The following NOTCH2 variants were observed in gnomAD, a reference collection of about 807,000 sequenced individuals.
NOTCH2 encodes notch receptor 2.
NOTCH2 carries 29 observed loss-of-function variants against 235.8 expected under a neutral mutation model. The ratio of observed to expected loss-of-function variants is 0.12; its 90% CI spans 0.09 to 0.17. NOTCH2 has a LOEUF of 0.17. Ranked by LOEUF, NOTCH2 falls within the 10% of genes least tolerant of loss-of-function variation. NOTCH2 has a pLI of 1.00. For synonymous variants in NOTCH2, 1,086 were observed against 1,141.5 expected, an observed-to-expected ratio of 0.95 and a Z score of 0.98; for missense variants, 2,285 against 3,150.2, an observed-to-expected ratio of 0.73 and a Z score of 6.57.
chr1:119,930,638 G>A (rs782454005), intron 22 of NOTCH2, among the ~76,000 whole-genome samples: 13 of 151,708 alleles, frequency 8.6e-5, no homozygotes, highest in Admixed American at 6.6e-4. Flanking sequence ...AATTAGCTGC[G>A]TGTGGTGGTA....
chr1:120,009,243 A>G (rs1392024371), intron 2 of NOTCH2, among the ~76,000 whole-genome samples: 1 of 151,180 alleles, frequency 6.6e-6, no homozygotes, highest in Non-Finnish European at 1.5e-5. Context: ...CACTGTAAAG[A>G]AAGACTTAGG....
At chr1:119,973,583 T>C (rs1367621715) in intron 5 of NOTCH2, among the ~76,000 whole-genome samples, 1 of 152,168 alleles carries the variant, frequency 6.6e-6, no homozygotes, top group African/African-American at 2.4e-5. Context: ...GCCCTGGATG[T>C]GATCAACACA....
Position 120,029,247 on chromosome 1 carries a change from G to A in NOTCH2, c.155+659C>T, listed in dbSNP as rs587699357. On this transcript the variant is annotated intron_variant, in intron 2 of 33. Coordinates refer to ENST00000256646, the MANE Select transcript of NOTCH2 (RefSeq NM_024408.4). The stretch of plus-strand genomic sequence containing the variant: ...GAATATTAAAGTTGATATCTATTTG[G>A]TTTTACTTAAAAACAAGATAATAGG... Among the ~76,000 whole-genome samples the A allele has an allele frequency of 5.7e-3, 863 of 150,464 alleles. 4 individuals carry two copies. The highest frequency in any genetic ancestry group is 0.02 in the African/African-American group (838 of 41,130).
At position 119,922,421 on chromosome 1, in the gene NOTCH2, A is replaced by G. The variant is rs2101154884; in HGVS notation, c.5028T>C (p.Thr1676=). 6.2e-7 allele frequency: 1 copy of G among 1,613,506 alleles called. No homozygotes were observed. Among genetic ancestry groups the G allele is most frequent in the Non-Finnish European group, 8.5e-7 (1 of 1,179,708 alleles). The part of the protein sequence containing the change: ...VVSESLTPER[T]QLLYLLAVAV... ...CAACAGCAAGGAGATAGAGGAGCTGAGTGCGTTCTGGAGTCAGGGATTCAC... is the reference window on the plus strand; with the variant it reads ...CAACAGCAAGGAGATAGAGGAGCTGGGTGCGTTCTGGAGTCAGGGATTCAC... The change falls in exon 28 of 34, where the codon ACT becomes ACC. Residue 1676 remains threonine (T), a synonymous_variant. Transcript: ENST00000256646.
At position 119,916,311 on chromosome 1, in the gene NOTCH2, C is replaced by T; in HGVS notation, c.6411G>A (p.Glu2137=). 1 of 1,614,204 alleles carries T rather than the reference C, an allele frequency of 6.2e-7. No homozygotes were observed. Among genetic ancestry groups the T allele is most frequent in the East Asian group, 2.2e-5 (1 of 44,882 alleles). The change falls in exon 34 of 34, where the codon GAG becomes GAA. Residue 2137 remains glutamate, a synonymous_variant. Coordinates refer to ENST00000256646, the MANE Select transcript of NOTCH2 (RefSeq NM_024408.4). ...CTGAACTCTCAGACAGTTGGACCTT[C>T]TCACTCAGAGACTTCTTCCTCCTAC... is the stretch of plus-strand genomic sequence containing the variant. ...KGSRRKKSLS[E]KVQLSESSVT... is the part of the protein sequence containing the mutation.
chr1:119,942,351 T>C (rs1160161630), intron 17 of NOTCH2, among the ~76,000 whole-genome samples: 1 of 152,192 alleles, frequency 6.6e-6, no homozygotes, highest in Admixed American at 6.5e-5. Context: ...ACTCTACAAT[T>C]ATATGCCATA....
intron 11 of NOTCH2, among the ~76,000 whole-genome samples, chr1:119,962,867 G>A (rs1650988038): frequency 6.6e-6 from 1 of 152,198 alleles, no homozygotes; most frequent in Admixed American, 6.5e-5. Flanking sequence ...ATCCAAACCT[G>A]TGAGATGCTG....
intron 23 of NOTCH2, among the ~76,000 whole-genome samples, chr1:119,928,643 T>C (rs1439194676): frequency 6.6e-6 from 1 of 152,226 alleles, no homozygotes; most frequent in African/African-American, 2.4e-5. Context: ...ATGATTCAGA[T>C]AGTAAATTTT....
chr1:119,985,021 C>T (rs143797177), intron 5 of NOTCH2, among the ~76,000 whole-genome samples: 85 of 152,246 alleles, frequency 5.6e-4, no homozygotes, highest in African/African-American at 1.9e-3. Context: ...GGATGTGAAG[C>T]ACTATGCAGT....
At chr1:119,950,353 G>C in intron 15 of NOTCH2, 1 of 385,888 alleles carries the variant, frequency 2.6e-6, no homozygotes, top group Non-Finnish European at 5.1e-6. Context: ...AAAGTGTCTG[G>C]CACATAGTAA....
At chr1:119,927,156 T>C (rs1649503551) in intron 23 of NOTCH2, among the ~76,000 whole-genome samples, 1 of 152,104 alleles carries the variant, frequency 6.6e-6, no homozygotes, top group Non-Finnish European at 1.5e-5. Context: ...GTTAGTTTCC[T>C]CTAGGAATAG....
intron 1 of NOTCH2, among the ~76,000 whole-genome samples, chr1:120,062,874 T>C (rs1484996518): frequency 2.0e-5 from 3 of 152,192 alleles, no homozygotes; most frequent in African/African-American, 7.2e-5. Flanking sequence ...CAATAATTCC[T>C]TTGCTTTTCT....
chr1:120,037,700 A>C (rs1464562132), intron 1 of NOTCH2, among the ~76,000 whole-genome samples: 1 of 151,904 alleles, frequency 6.6e-6, no homozygotes, highest in Non-Finnish European at 1.5e-5. Flanking sequence ...AAAAGCAATA[A>C]GAGATAAATC....
chr1:120,064,562 T>C (rs1655429952), intron 1 of NOTCH2, among the ~76,000 whole-genome samples: 1 of 152,140 alleles, frequency 6.6e-6, no homozygotes, highest in Admixed American at 6.6e-5. Context: ...CAGTTGACTC[T>C]GAATTTGGGG....
intron 4 of NOTCH2, chr1:119,995,498 A>C (rs1393969678): frequency 6.6e-6 from 1 of 152,244 alleles, no homozygotes; most frequent in Non-Finnish European, 1.5e-5. Context: ...ATATTGAAAT[A>C]TTTTCAAAAT....
At chr1:119,951,867 A>G (rs1650488136) in intron 14 of NOTCH2, among the ~76,000 whole-genome samples, 1 of 152,226 alleles carries the variant, frequency 6.6e-6, no homozygotes, top group Middle Eastern at 3.2e-3. Flanking sequence ...TTACCTTTTG[A>G]ATTTTATTTT....
chr1:120,039,498 T>C (rs1553212414), intron 1 of NOTCH2, among the ~76,000 whole-genome samples: 2 of 149,420 alleles, frequency 1.3e-5, no homozygotes, highest in Non-Finnish European at 3.0e-5. Flanking sequence ...AAGCTCCTCC[T>C]CCTGGGTTCA....
At chr1:119,974,187 G>A (rs1651475019) in intron 5 of NOTCH2, among the ~76,000 whole-genome samples, 1 of 152,200 alleles carries the variant, frequency 6.6e-6, no homozygotes, top group African/African-American at 2.4e-5. Context: ...ATACAAACAA[G>A]TGTCAGCATG....
In NOTCH2 at chr1:119,935,548, A is replaced by T; in HGVS notation, c.3579T>A (p.Asn1193Lys). The T allele has an allele frequency of 1.2e-6, 2 of 1,614,202 alleles. No homozygotes were observed. Among genetic ancestry groups the T allele is most frequent in the Admixed American group, 1.7e-5 (1 of 60,030 alleles). The change falls in exon 22 of 34, where the codon AAT becomes AAA. Residue 1193 changes from asparagine (N) to lysine (K), a missense_variant. Coordinates refer to ENST00000256646, the MANE Select transcript of NOTCH2 (RefSeq NM_024408.4). The part of the protein sequence containing the change: ...NCEYEVDECQ[N>K]QPCQNGGTCI... ...AGGTGCCTCCATTCTGGCAGGGCTG[A>T]TTCTGGCACTCATCCACTTCATACT... is the stretch of plus-strand genomic sequence containing the variant.
Sources: gnomAD v4.1 joint callset for allele counts (sites outside exome capture counted in the v4.1 genomes callset) on GRCh38, gnomAD v4.1.1 for gene constraint, MANE v1.5 for transcripts, NCBI Gene and HGNC (gene_info 2026-07-23, HGNC 2026-07-21) for gene names.